Variants in KLHL1 observed in about 807,000 individuals in gnomAD.
KLHL1 encodes the protein kelch-like protein 1.
A neutral mutation model predicts 77.7 loss-of-function variants in KLHL1; 47 were observed. That is an observed-to-expected ratio of 0.60 (90% CI 0.48 to 0.77). KLHL1 has a LOEUF of 0.77. Ranked by LOEUF, KLHL1 falls within the 30% of genes least tolerant of loss-of-function variation. The pLI, the probability that KLHL1 is intolerant of heterozygous loss-of-function variation, is 0.00. For synonymous variants in KLHL1, 360 were observed against 325.2 expected (o/e 1.11, Z -1.15); for missense variants, 925 against 910.8 (o/e 1.02, Z -0.20).
rs1217018845 is a variant in KLHL1, at chr13:69,780,733, C to CAT, written c.1639+16003_1639+16004dup. On this transcript the variant is annotated intron_variant, in intron 7 of 10. Transcript: ENST00000377844. ...ATATATATGTATATATATATATATA[C>CAT]ATATATATATACATATATATATATA... Among the ~76,000 whole-genome samples, 68 of 42,074 alleles carry CAT rather than the reference C, an allele frequency of 1.6e-3. 2 individuals carry two copies. Among genetic ancestry groups the CAT allele is most frequent in the African/African-American group, 4.2e-3 (52 of 12,274 alleles). The allele number at this position is 42,074 out of a possible 152,430, so 27.6% of individuals were successfully genotyped here.
chr13:69,705,405 T>C (rs868604333), intron 10 of KLHL1, among the ~76,000 whole-genome samples: 1 of 151,768 alleles, frequency 6.6e-6, no homozygotes, highest in African/African-American at 2.4e-5. Context: ...ACTGAGTTTT[T>C]TTCCAAATAT....
intron 2 of KLHL1, among the ~76,000 whole-genome samples, chr13:69,973,339 G>A (rs986485693): frequency 6.6e-6 from 1 of 151,750 alleles, no homozygotes; most frequent in East Asian, 1.9e-4. Context: ...AGTTTGGAAT[G>A]ATGATATAAT....
chr13:69,851,345 T>C (rs903128669), intron 5 of KLHL1, among the ~76,000 whole-genome samples: 25 of 151,888 alleles, frequency 1.6e-4, no homozygotes, highest in Admixed American at 1.3e-3. Context: ...ACACAGACTA[T>C]AGGAATTTGT....
At chr13:70,081,967 G>T (rs527753952) in intron 1 of KLHL1, among the ~76,000 whole-genome samples, 32 of 152,274 alleles carry the variant, frequency 2.1e-4, no homozygotes, top group African/African-American at 7.5e-4. Flanking sequence ...GAGGCTGGTG[G>T]ATTGGATCAT....
At chr13:69,915,344 A>T (rs1373791516) in intron 4 of KLHL1, among the ~76,000 whole-genome samples, 1 of 152,310 alleles carries the variant, frequency 6.6e-6, no homozygotes, top group South Asian at 2.1e-4. Context: ...TTCAAACTAT[A>T]CTACAAGGCT....
At chr13:69,800,365 G>A (rs1035106956) in intron 6 of KLHL1, among the ~76,000 whole-genome samples, 2 of 152,034 alleles carry the variant, frequency 1.3e-5, no homozygotes, top group Admixed American at 1.3e-4. Flanking sequence ...TTTTCTGGGC[G>A]GGGTGGAGGG....
chr13:70,102,477 T>G (rs541214379), intron 1 of KLHL1, among the ~76,000 whole-genome samples: 151 of 152,316 alleles, frequency 9.9e-4, no homozygotes, highest in Admixed American at 1.8e-3. Context: ...TTAAGAAGTC[T>G]ATTTAAACAT....
rs556761493 is a variant in KLHL1, at chr13:70,039,630, C to A, written c.498-63828G>T. 4.7e-5 allele frequency among the ~76,000 whole-genome samples: 7 copies of A among 147,512 alleles called. No homozygotes were observed. In the South Asian group the frequency reaches 1.5e-3, roughly 32 times the overall value. ...TGTTAATACTGCCTGCCTTTGGATT[C>A]CTTGAACTTTTTTTTTTTTTTTTTT... On this transcript the variant is annotated intron_variant, in intron 1 of 10. Transcript: ENST00000377844.
intron 1 of KLHL1, among the ~76,000 whole-genome samples, chr13:69,997,309 T>G (rs1388678081): frequency 6.6e-6 from 1 of 151,902 alleles, no homozygotes; most frequent in Non-Finnish European, 1.5e-5. Flanking sequence ...AATATTTTGG[T>G]AAGAATATTC....
At position 69,975,639 on chromosome 13, in the gene KLHL1, G is replaced by A. The variant is rs1206863431; in HGVS notation, c.661C>T (p.Arg221Ter). 4.3e-6 allele frequency: 7 copies of A among 1,612,880 alleles called. No individual in the cohort carries two copies. The Admixed American group carries it at 6.7e-5, about 15-fold the overall frequency. ...CTGTACCTATGTGCAGGTATCTTTCGGTTCCCAACAATCAGGATAACATCA... is the reference window on the plus strand; with the variant it reads ...CTGTACCTATGTGCAGGTATCTTTCAGTTCCCAACAATCAGGATAACATCA... ...LCDVILIVGN[R>*]KIPAHRLVLS... The change falls in exon 2 of 11, where the codon CGA (arginine) becomes TGA (stop). Residue 221 changes from arginine to a stop codon, truncating the protein, a stop_gained. Coordinates refer to ENST00000377844, the MANE Select transcript of KLHL1 (RefSeq NM_020866.3). LOFTEE classifies it high-confidence loss of function.
chr13:69,714,425 A>G (rs1280007140), intron 9 of KLHL1, among the ~76,000 whole-genome samples: 1 of 152,140 alleles, frequency 6.6e-6, no homozygotes, highest in Non-Finnish European at 1.5e-5. Flanking sequence ...GATTATACCC[A>G]GGAAATCTGA....
chr13:70,090,824 TG>T (rs1887654250), intron 1 of KLHL1, among the ~76,000 whole-genome samples: 2 of 152,234 alleles, frequency 1.3e-5, no homozygotes, highest in African/African-American at 4.8e-5. Flanking sequence ...CTGTAGCTTG[TG>T]ACAACTTTCT....
intron 3 of KLHL1, among the ~76,000 whole-genome samples, chr13:69,942,082 T>G (rs1883381955): frequency 6.6e-6 from 1 of 152,024 alleles, no homozygotes. Flanking sequence ...TCTTAAGAAT[T>G]TTAAACCTGA....
intron 1 of KLHL1, among the ~76,000 whole-genome samples, chr13:70,033,366 T>C (rs976232176): frequency 9.9e-5 from 15 of 152,138 alleles, no homozygotes; most frequent in Admixed American, 2.0e-4. Context: ...CTCGGCTCAC[T>C]GTAAGCTCCG....
chr13:70,104,789 G>A (rs970228598), intron 1 of KLHL1, among the ~76,000 whole-genome samples: 8 of 151,930 alleles, frequency 5.3e-5, no homozygotes, highest in Non-Finnish European at 1.0e-4. Context: ...TGGATGTGCT[G>A]TCACAGAAAA....
intron 1 of KLHL1, among the ~76,000 whole-genome samples, chr13:70,084,200 C>T (rs1179249328): frequency 1.3e-5 from 2 of 152,128 alleles, no homozygotes; most frequent in Admixed American, 6.5e-5. Flanking sequence ...CATGTACACA[C>T]ACAGTAAATT....
chr13:69,925,735 A>G (rs1473800516), intron 4 of KLHL1, among the ~76,000 whole-genome samples: 3 of 152,168 alleles, frequency 2.0e-5, no homozygotes, highest in Non-Finnish European at 4.4e-5. Context: ...CGTCTTTACA[A>G]GTTAATTTCA....
At chr13:69,780,733 C>CACAT (rs1555267681) in intron 7 of KLHL1, among the ~76,000 whole-genome samples, 1 of 42,080 alleles carries the variant, frequency 2.4e-5, no homozygotes, top group Non-Finnish European at 4.9e-5. Flanking sequence ...TATATATATA[C>CACAT]ATATATATAT....
intron 1 of KLHL1, among the ~76,000 whole-genome samples, chr13:70,067,261 G>A (rs1386373638): frequency 1.3e-5 from 2 of 152,134 alleles, no homozygotes; most frequent in Admixed American, 1.3e-4. Flanking sequence ...TCTACTCATT[G>A]TTTATTGTAT....
Sources: allele counts gnomAD v4.1 joint callset (sites outside exome capture counted in the v4.1 genomes callset), GRCh38; gene constraint gnomAD v4.1.1; transcripts MANE v1.5; gene names NCBI Gene and HGNC (gene_info 2026-07-23, HGNC 2026-07-21).